TCF7L2: variants seen among roughly 807,000 people sequenced by gnomAD.
TCF7L2 encodes the protein transcription factor 7 like 2.
Under a neutral mutation model 77.9 loss-of-function variants are expected in TCF7L2, and 23 were observed. The observed-to-expected ratio is 0.30, with a 90% confidence interval of 0.21 to 0.42. The LOEUF is 0.42. Among genes scored for constraint, TCF7L2 ranks in the 10% least tolerant of loss-of-function variants. The probability of loss-of-function intolerance (pLI) is 1.00; values close to 1 mark genes in which losing one functional copy is unlikely to be tolerated. For missense variants in TCF7L2, 654 were observed against 793.1 expected (o/e 0.82, Z 2.11); for synonymous variants, 413 against 340.2 (o/e 1.21, Z -2.36).
intron 5 of TCF7L2, among the ~76,000 whole-genome samples, chr10:113,077,864 T>C (rs2058877351): frequency 1.3e-5 from 1 of 79,050 alleles, no homozygotes. Context: ...CTTGCTTATT[T>C]ATTTATTTAT....
Position 112,951,478 on chromosome 10 carries a change from GT to G in TCF7L2, c.257-3del. 1.4e-6 allele frequency: 2 copies of G among 1,425,874 alleles called. No individual in the cohort carries two copies. Among genetic ancestry groups the G allele is most frequent in the Non-Finnish European group, 1.9e-6 (2 of 1,066,928 alleles). 88.3% of individuals were successfully genotyped at this position (1,425,874 alleles called of 1,614,324 possible). On this transcript the variant is annotated splice_region_variant and splice_polypyrimidine_tract_variant and intron_variant, in intron 2 of 13. Coordinates refer to ENST00000627217, the MANE Select transcript of TCF7L2 (RefSeq NM_001146274.2). The stretch of plus-strand genomic sequence containing the variant: ...CGCTGTCCCCTCGCCGCCCCGCCAT[GT>G]TAGCGGCCAAGAGGCAAGATGGAGG...
intron 3 of TCF7L2, among the ~76,000 whole-genome samples, chr10:112,964,341 A>AAAAAAC (rs199541501): frequency 6.9e-4 from 105 of 152,240 alleles, no homozygotes; most frequent in Admixed American, 1.2e-3. Flanking sequence ...ATAGGTGCTT[A>AAAAAAC]AAAAACAAAA....
chr10:113,098,171 A>C (rs1182398169), intron 5 of TCF7L2, among the ~76,000 whole-genome samples: 2 of 151,676 alleles, frequency 1.3e-5, no homozygotes, highest in African/African-American at 4.8e-5. Context: ...AGTGTCTGGC[A>C]CAGGCTCCTG....
chr10:113,009,289 A>T (rs978993094), intron 4 of TCF7L2, among the ~76,000 whole-genome samples: 4 of 152,048 alleles, frequency 2.6e-5, no homozygotes, highest in African/African-American at 9.7e-5. Flanking sequence ...TTTGAGCTGG[A>T]TGGGGAAGTT....
intron 12 of TCF7L2, chr10:113,160,543 G>A: frequency 1.5e-6 from 2 of 1,336,006 alleles, no homozygotes; most frequent in South Asian, 1.4e-5. Flanking sequence ...AAAGGAAGCT[G>A]TAGCTGAGAT....
At chr10:113,014,639 G>T (rs180693453) in intron 4 of TCF7L2, among the ~76,000 whole-genome samples, 3 of 152,208 alleles carry the variant, frequency 2.0e-5, no homozygotes, top group Admixed American at 6.5e-5. Context: ...ACATAAATTA[G>T]CCAGGTGTGG....
chr10:112,995,290 GT>G (rs764350107), intron 4 of TCF7L2, among the ~76,000 whole-genome samples: 2 of 152,132 alleles, frequency 1.3e-5, no homozygotes, highest in South Asian at 2.1e-4. Flanking sequence ...TCGGCCTTAC[GT>G]TTTTTTGTTT....
intron 4 of TCF7L2, among the ~76,000 whole-genome samples, chr10:113,031,705 C>T (rs1324645599): frequency 2.0e-5 from 3 of 152,110 alleles, no homozygotes; most frequent in Non-Finnish European, 4.4e-5. Context: ...CCAGGCTGGT[C>T]TCGAACTACT....
At chr10:112,982,025 T>C (rs144742825) in intron 4 of TCF7L2, among the ~76,000 whole-genome samples, 1 of 152,236 alleles carries the variant, frequency 6.6e-6, no homozygotes, top group African/African-American at 2.4e-5. Context: ...TTGCTTCTTA[T>C]GTAATACGTC....
chr10:113,021,793 CTT>C (rs1451069735), intron 4 of TCF7L2, among the ~76,000 whole-genome samples: 4 of 152,204 alleles, frequency 2.6e-5, no homozygotes, highest in African/African-American at 4.8e-5. Flanking sequence ...ACAGCGTGGA[CTT>C]TTGCTTTCCC....
chr10:112,951,840 G>C (rs546001457), intron 3 of TCF7L2: 1 of 157,966 alleles, frequency 6.3e-6, no homozygotes, highest in East Asian at 1.8e-4. Flanking sequence ...TCAGTTTGCT[G>C]CCTCGTGATG....
At chr10:113,009,647 T>G (rs4319449) in intron 4 of TCF7L2, among the ~76,000 whole-genome samples, 3,707 of 152,304 alleles carry the variant, frequency 0.024, 161 homozygotes, top group African/African-American at 0.084. Context: ...CTAACCCTCT[T>G]GAGCTGATGC....
chr10:113,015,095 A>G (rs2047118742), intron 4 of TCF7L2, among the ~76,000 whole-genome samples: 1 of 152,168 alleles, frequency 6.6e-6, no homozygotes, highest in Non-Finnish European at 1.5e-5. Flanking sequence ...CTGAGGCAGG[A>G]GAATCTCCAG....
chr10:113,062,200 T>C (rs2056566676), intron 5 of TCF7L2, among the ~76,000 whole-genome samples: 1 of 152,152 alleles, frequency 6.6e-6, no homozygotes, highest in African/African-American at 2.4e-5. Flanking sequence ...CTATCACCTC[T>C]TCCAAGGCTA....
chr10:113,084,910 C>CA lies in TCF7L2; in HGVS notation c.552+44796dup, dbSNP rs1166429283. On this transcript the variant is annotated intron_variant, in intron 5 of 13. Coordinates refer to ENST00000627217, the MANE Select transcript of TCF7L2 (RefSeq NM_001146274.2). Reference sequence around the variant, plus strand: ...GACTCTGTCTCAAGCCACCCCCCCCCAAAAAAAAAAAACAAAAAACCCTGA... The same window carrying CA: ...GACTCTGTCTCAAGCCACCCCCCCCCAAAAAAAAAAAAACAAAAAACCCTGA... Among the ~76,000 whole-genome samples the CA allele has an allele frequency of 5.2e-3, 705 of 136,808 alleles. 3 individuals carry two copies. Among genetic ancestry groups the CA allele is most frequent in the Middle Eastern group, 7.4e-3 (2 of 270 alleles). 89.8% of individuals were successfully genotyped at this position (136,808 alleles called of 152,430 possible). A position where few individuals can be genotyped will look rare whatever the true frequency, so the allele number is the denominator to read the frequency against.
At chr10:112,967,982 G>A (rs1329983586) in intron 4 of TCF7L2, among the ~76,000 whole-genome samples, 1 of 152,154 alleles carries the variant, frequency 6.6e-6, no homozygotes, top group Non-Finnish European at 1.5e-5. Flanking sequence ...AAATTCTATT[G>A]ACTTTTAAAA....
chr10:113,022,400 C>A (rs1418014571), intron 4 of TCF7L2, among the ~76,000 whole-genome samples: 3 of 152,150 alleles, frequency 2.0e-5, no homozygotes, highest in Non-Finnish European at 4.4e-5. Context: ...ACTTAGAACA[C>A]CCGGCCTGCA....
chr10:113,002,606 G>A (rs964285411), intron 4 of TCF7L2, among the ~76,000 whole-genome samples: 3 of 152,080 alleles, frequency 2.0e-5, no homozygotes, highest in Non-Finnish European at 4.4e-5. Context: ...CCCCATGATC[G>A]CTGTGGGGGA....
chr10:113,167,448 A>G lies in TCF7L2; in HGVS notation c.*1476A>G, dbSNP rs149574944. 3.1e-5 allele frequency: 7 copies of G among 223,968 alleles called. No homozygotes were observed. The highest frequency in any genetic ancestry group is 1.6e-4 in the African/African-American group (7 of 44,916). 13.9% of individuals were successfully genotyped at this position (223,968 alleles called of 1,614,324 possible). On this transcript the variant is annotated 3_prime_UTR_variant, in exon 14 of 14. Coordinates refer to ENST00000627217, the MANE Select transcript of TCF7L2 (RefSeq NM_001146274.2). ...GTAGTTGACATGAAGCGATTGTAAA[A>G]CTGTCTCCGATTTTTCTCTGGTTTA...
Sources: allele counts gnomAD v4.1 joint callset (sites outside exome capture counted in the v4.1 genomes callset), GRCh38; gene constraint gnomAD v4.1.1; transcripts MANE v1.5; gene names NCBI Gene and HGNC (gene_info 2026-07-23, HGNC 2026-07-21).